The following DNER variants were observed in gnomAD, a reference collection of about 807,000 sequenced individuals.
DNER encodes delta/notch like EGF repeat containing, also known as delta and Notch-like epidermal growth factor-related receptor.
Under a neutral mutation model 78.2 loss-of-function variants are expected in DNER, and 33 were observed. The observed-to-expected ratio is 0.42, with a 90% confidence interval of 0.32 to 0.56. The LOEUF is 0.56. Among genes scored for constraint, DNER ranks in the 20% least tolerant of loss-of-function variants. The probability of loss-of-function intolerance (pLI) is 0.11; values close to 1 mark genes in which losing one functional copy is unlikely to be tolerated. For synonymous variants in DNER, 417 were observed against 384.8 expected (o/e 1.08, Z -0.98); for missense variants, 918 against 975.3 (o/e 0.94, Z 0.78).
At chr2:229,686,990 G>A (rs1699493824) in intron 1 of DNER, among the ~76,000 whole-genome samples, 1 of 151,886 alleles carries the variant, frequency 6.6e-6, no homozygotes, top group Admixed American at 6.6e-5. Flanking sequence ...CAAAGATTAG[G>A]GTATCTTTCT....
chr2:229,584,014 AAACATAAAGTGC>A (rs1697450598), intron 4 of DNER, among the ~76,000 whole-genome samples: 1 of 152,230 alleles, frequency 6.6e-6, no homozygotes, highest in South Asian at 2.1e-4. Context: ...AGGGTCAGTC[AAACATAAAGTGC>A]AATATAAATT....
At chr2:229,465,653 A>C (rs1425704755) in intron 7 of DNER, among the ~76,000 whole-genome samples, 1 of 152,242 alleles carries the variant, frequency 6.6e-6, no homozygotes. Context: ...CAGAATATGC[A>C]TTTAAACAAG....
chr2:229,501,079 C>A (rs4972901), intron 6 of DNER, among the ~76,000 whole-genome samples: 152,212 of 152,216 alleles, frequency 1, 76,104 homozygotes, highest in Non-Finnish European at 1. Context: ...TGATGACTCT[C>A]AAATAGGCAA....
intron 1 of DNER, among the ~76,000 whole-genome samples, chr2:229,653,256 T>G (rs11676294): frequency 0.48 from 73,502 of 152,124 alleles, 21,404 homozygotes; most frequent in Non-Finnish European, 0.65. Flanking sequence ...TGACAGCTGC[T>G]GCCCAGTCCT....
At chr2:229,504,013 G>A (rs6747968) in intron 6 of DNER, among the ~76,000 whole-genome samples, 16,732 of 151,988 alleles carry the variant, frequency 0.11, 1,894 homozygotes, top group African/African-American at 0.28. Context: ...CAAAGTGCTG[G>A]GATTACAGGC....
intron 1 of DNER, among the ~76,000 whole-genome samples, chr2:229,686,639 C>T (rs555327756): frequency 2.0e-5 from 3 of 152,264 alleles, no homozygotes; most frequent in Admixed American, 1.3e-4. Flanking sequence ...TTCTGCTGCT[C>T]CTCCATGAGC....
chr2:229,530,470 C>A (rs1023423403), intron 5 of DNER, among the ~76,000 whole-genome samples: 2 of 152,198 alleles, frequency 1.3e-5, no homozygotes, highest in Non-Finnish European at 2.9e-5. Context: ...ATCACATAAC[C>A]ACTTCTGTCT....
At chr2:229,375,524 T>C (rs1185956939) in intron 11 of DNER, among the ~76,000 whole-genome samples, 1 of 152,210 alleles carries the variant, frequency 6.6e-6, no homozygotes, top group East Asian at 1.9e-4. Context: ...GTTCCAAGTA[T>C]GTACTAAAGG....
intron 1 of DNER, among the ~76,000 whole-genome samples, chr2:229,659,557 C>T (rs1698971969): frequency 6.6e-6 from 1 of 152,110 alleles, no homozygotes; most frequent in Non-Finnish European, 1.5e-5. Context: ...CATTTTGCTA[C>T]CTCTGAGATC....
intron 1 of DNER, among the ~76,000 whole-genome samples, chr2:229,626,860 T>C (rs1027761518): frequency 2.0e-5 from 3 of 152,198 alleles, no homozygotes; most frequent in Non-Finnish European, 4.4e-5. Context: ...GAAATGCCTG[T>C]TTGAAAATAA....
At chr2:229,570,710 G>A (rs1697203621) in intron 4 of DNER, among the ~76,000 whole-genome samples, 2 of 152,090 alleles carry the variant, frequency 1.3e-5, no homozygotes, top group Admixed American at 1.3e-4. Flanking sequence ...GGCACGAGAG[G>A]AGAAGCGGGG....
rs542119188 is a variant in DNER, at chr2:229,694,975, A to G, written c.276+19173T>C. 1.2e-3 allele frequency among the ~76,000 whole-genome samples: 179 copies of G among 152,306 alleles called. 2 individuals carry two copies. The highest frequency in any genetic ancestry group is 1.9e-3 in the Non-Finnish European group (127 of 68,026). On this transcript the variant is annotated intron_variant, in intron 1 of 12. Transcript: ENST00000341772. ...AATCTCATCTTGCATTGTAGTTCCCATAATCCCCATATGTTACGGGAGGGC... is the reference window on the plus strand; with the variant it reads ...AATCTCATCTTGCATTGTAGTTCCCGTAATCCCCATATGTTACGGGAGGGC...
intron 2 of DNER, among the ~76,000 whole-genome samples, chr2:229,589,248 G>T (rs1028574727): frequency 1.3e-5 from 2 of 152,102 alleles, no homozygotes; most frequent in African/African-American, 2.4e-5. Flanking sequence ...AGTATTAAAA[G>T]TATTCATCAT....
rs1694152373 is a variant in DNER, at chr2:229,437,709, A to T, written c.1486+9607T>A. ...TGTGGGAAGGCGTGCTACTGAAGGA[A>T]CATGTCATCAAAGCTATCTCAAAGT... On this transcript the variant is annotated intron_variant, in intron 8 of 12. Transcript: ENST00000341772. 9.8e-5 allele frequency among the ~76,000 whole-genome samples: 15 copies of T among 152,332 alleles called. No homozygotes were observed. The South Asian group carries it at 2.5e-3, about 25-fold the overall frequency.
chr2:229,550,820 G>T (rs1189866326), intron 4 of DNER, among the ~76,000 whole-genome samples: 3 of 152,178 alleles, frequency 2.0e-5, no homozygotes, highest in East Asian at 1.9e-4. Context: ...GCATTAAAAA[G>T]TAATAATTAA....
intron 7 of DNER, among the ~76,000 whole-genome samples, chr2:229,451,838 T>C (rs1264500117): frequency 6.6e-6 from 1 of 152,198 alleles, no homozygotes; most frequent in Non-Finnish European, 1.5e-5. Context: ...ACTGATCAGG[T>C]CAAAATAAAG....
At position 229,689,973 on chromosome 2, in the gene DNER, G is replaced by A. The variant is rs79456621; in HGVS notation, c.276+24175C>T. On this transcript the variant is annotated intron_variant, in intron 1 of 12. Coordinates refer to ENST00000341772, the MANE Select transcript of DNER (RefSeq NM_139072.4). ...CTGTTCAAACACAGGATTCCTACATGCATCAACCTTTGGCAAGTGTAATTT... is the reference window on the plus strand; with the variant it reads ...CTGTTCAAACACAGGATTCCTACATACATCAACCTTTGGCAAGTGTAATTT... 8.5e-3 allele frequency among the ~76,000 whole-genome samples: 1,292 copies of A among 152,288 alleles called. 20 individuals carry two copies. Among genetic ancestry groups the A allele is most frequent in the African/African-American group, 0.03 (1,227 of 41,554 alleles).
At chr2:229,645,524 C>T (rs1698702580) in intron 1 of DNER, among the ~76,000 whole-genome samples, 1 of 152,180 alleles carries the variant, frequency 6.6e-6, no homozygotes, top group South Asian at 2.1e-4. Context: ...GTTCTTTTAG[C>T]TACTGCAAAT....
chr2:229,554,036 G>C (rs1422713024), intron 4 of DNER, among the ~76,000 whole-genome samples: 1 of 152,140 alleles, frequency 6.6e-6, no homozygotes, highest in Admixed American at 6.6e-5. Context: ...AACCCAAGTA[G>C]GCTGACCATG....
Sources: allele counts gnomAD v4.1 joint callset (sites outside exome capture counted in the v4.1 genomes callset), GRCh38; gene constraint gnomAD v4.1.1; transcripts MANE v1.5; gene names NCBI Gene and HGNC (gene_info 2026-07-23, HGNC 2026-07-21).